The following PGM5 variants were observed in gnomAD, a reference collection of about 807,000 sequenced individuals.
The protein encoded by PGM5 is phosphoglucomutase 5.
Under a neutral mutation model 59.2 loss-of-function variants are expected in PGM5, and 23 were observed. The ratio of observed to expected loss-of-function variants is 0.39; its 90% CI spans 0.28 to 0.55. The LOEUF is 0.55. Ranked by LOEUF, PGM5 falls within the 20% of genes least tolerant of loss-of-function variation. The pLI is 0.66. For missense variants in PGM5, 574 were observed against 748.3 expected (o/e 0.77, Z 2.72); for synonymous variants, 214 against 286.0 (o/e 0.75, Z 2.54).
In PGM5 at chr9:68,528,842, A is replaced by G. The variant is rs1825031994; in HGVS notation, c.1615-725A>G. Among the ~76,000 whole-genome samples, 3 of 152,208 alleles carry G rather than the reference A, an allele frequency of 2.0e-5. No homozygotes were observed. The South Asian group carries it at 6.2e-4, about 31-fold the overall frequency. ...ATTAGCAATACCATATCCATGCACC[A>G]CTGAAAATCATTGTGAGTGTTGCAT... On this transcript the variant is annotated intron_variant, in intron 10 of 10. Transcript: ENST00000396396.
intron 9 of PGM5, among the ~76,000 whole-genome samples, chr9:68,487,802 C>A (rs1210760566): frequency 6.6e-6 from 1 of 152,158 alleles, no homozygotes; most frequent in Non-Finnish European, 1.5e-5. Context: ...CCCAAGGCAA[C>A]CTTGGTGCCA....
intron 7 of PGM5, among the ~76,000 whole-genome samples, chr9:68,467,742 T>G (rs77176054): frequency 6.6e-6 from 1 of 152,144 alleles, no homozygotes; most frequent in African/African-American, 2.4e-5. Context: ...CCTATAGAGC[T>G]TTAAAATTGC....
chr9:68,519,501 AT>A (rs1359924845), intron 10 of PGM5, among the ~76,000 whole-genome samples: 2 of 152,076 alleles, frequency 1.3e-5, no homozygotes, highest in African/African-American at 4.8e-5. Flanking sequence ...ATTAAAAAAA[AT>A]AGAAGGAAAT....
chr9:68,426,417 T>C (rs1363437160), intron 6 of PGM5, among the ~76,000 whole-genome samples: 5 of 152,208 alleles, frequency 3.3e-5, no homozygotes, highest in African/African-American at 7.2e-5. Context: ...TTTGTTCATA[T>C]GTATATATGG....
rs1822873719 is a variant in PGM5, at chr9:68,409,029, T to C, written c.1043+16556T>C. Among the ~76,000 whole-genome samples, 2 of 152,194 alleles carry C rather than the reference T, an allele frequency of 1.3e-5. 1 individual carries two copies. The highest frequency in any genetic ancestry group is 4.1e-4 in the South Asian group (2 of 4,826). ...TAGTGTGATGCCTCCAGCTTTGTTC[T>C]TTTGGCTTAGGATTGACTTGGCGAT... On this transcript the variant is annotated intron_variant, in intron 6 of 10. Transcript: ENST00000396396.
rs560732559 is a variant in PGM5, at chr9:68,388,620, ATATTTTGTG to A, written c.697+1037_697+1045del. Among the ~76,000 whole-genome samples, 274 of 152,156 alleles carry A rather than the reference ATATTTTGTG, an allele frequency of 1.8e-3. 1 individual carries two copies. Among genetic ancestry groups the A allele is most frequent in the African/African-American group, 6.3e-3 (260 of 41,538 alleles). On this transcript the variant is annotated intron_variant, in intron 4 of 10. Transcript: ENST00000396396. ...GTGAGAGAAAGCTCATGGTAGGTAA[ATATTTTGTG>A]TATTGTATATCTGAAAAGGCCTTTT... is the stretch of plus-strand genomic sequence containing the variant.
intron 9 of PGM5, among the ~76,000 whole-genome samples, chr9:68,489,329 A>G (rs1824348889): frequency 6.6e-6 from 1 of 152,162 alleles, no homozygotes; most frequent in South Asian, 2.1e-4. Context: ...ACCATGACCT[A>G]TATTTTGAAA....
At chr9:68,366,669 A>T (rs1174709017) in intron 1 of PGM5, among the ~76,000 whole-genome samples, 2 of 152,288 alleles carry the variant, frequency 1.3e-5, no homozygotes, top group Admixed American at 1.3e-4. Context: ...GAAGCTTTGG[A>T]TTTGAATCAT....
chr9:68,391,656 G>T lies in PGM5; in HGVS notation c.820G>T (p.Ala274Ser), dbSNP rs2132010685. Residue 274 changes from alanine to serine, a missense_variant, in exon 5 of 11, where the codon GCA (alanine) becomes TCA (serine). Transcript: ENST00000396396. Reference protein sequence around the residue: ...GQHPDPNLTYATTLLEAMKGG... With the variant: ...GQHPDPNLTYSTTLLEAMKGG... ...GCACCCTGACCCAAACCTGACATAT[G>T]CAACGACTCTTCTGGAAGCAATGAA... 1 of 1,613,304 alleles carries T rather than the reference G, an allele frequency of 6.2e-7. No homozygotes were observed. Among genetic ancestry groups the T allele is most frequent in the Admixed American group, 1.7e-5 (1 of 59,950 alleles).
intron 3 of PGM5, 102 bp from the exon 4 acceptor site, chr9:68,387,361 T>C: frequency 9.9e-7 from 1 of 1,014,174 alleles, no homozygotes; most frequent in African/African-American, 1.6e-5. Flanking sequence ...GATGGGCTTG[T>C]GACCAGAATT....
At chr9:68,442,416 C>A (rs1383300809) in intron 6 of PGM5, among the ~76,000 whole-genome samples, 1 of 152,194 alleles carries the variant, frequency 6.6e-6, no homozygotes, top group Non-Finnish European at 1.5e-5. Flanking sequence ...GGAGCCACCA[C>A]CATGCCCAGC....
At chr9:68,424,262 CACAG>C (rs1823196918) in intron 6 of PGM5, among the ~76,000 whole-genome samples, 1 of 152,176 alleles carries the variant, frequency 6.6e-6, no homozygotes. Flanking sequence ...CACAAAATAA[CACAG>C]ACAGTGTGGC....
intron 7 of PGM5, among the ~76,000 whole-genome samples, chr9:68,476,132 A>C (rs1824099247): frequency 6.6e-6 from 1 of 152,224 alleles, no homozygotes; most frequent in African/African-American, 2.4e-5. Flanking sequence ...AAGCTGCATG[A>C]TATTTTTAAA....
chr9:68,515,818 T>A (rs1269290536), intron 10 of PGM5, among the ~76,000 whole-genome samples: 1 of 152,254 alleles, frequency 6.6e-6, no homozygotes, highest in East Asian at 1.9e-4. Context: ...TTGTTGACTA[T>A]CTACCAAAGG....
In PGM5 at chr9:68,386,171, T is replaced by C. The variant is rs1307351902; in HGVS notation, c.572-1292T>C. On this transcript the variant is annotated intron_variant, in intron 3 of 10. Transcript: ENST00000396396. ...AATGAAATTGTCAAAAACATTATCC[T>C]ATAATGTAGAGTGAGTAAAACTTCC... 4.6e-5 allele frequency among the ~76,000 whole-genome samples: 7 copies of C among 152,038 alleles called. No individual in the cohort carries two copies. The East Asian group carries it at 7.7e-4, about 17-fold the overall frequency.
intron 6 of PGM5, among the ~76,000 whole-genome samples, chr9:68,447,703 G>C (rs1369758682): frequency 1.3e-5 from 2 of 151,878 alleles, no homozygotes; most frequent in Non-Finnish European, 2.9e-5. Context: ...AATCCAGCAC[G>C]CTTTTTATAA....
intron 10 of PGM5, among the ~76,000 whole-genome samples, chr9:68,527,153 A>T (rs1824992824): frequency 6.6e-6 from 1 of 152,216 alleles, no homozygotes; most frequent in African/African-American, 2.4e-5. Flanking sequence ...GTATTTGTTA[A>T]AACTTGCTTC....
At chr9:68,451,548 A>G (rs1158621270) in intron 6 of PGM5, among the ~76,000 whole-genome samples, 1 of 152,198 alleles carries the variant, frequency 6.6e-6, no homozygotes, top group Non-Finnish European at 1.5e-5. Context: ...ATGATATGGG[A>G]TGGGGCCTCA....
chr9:68,412,837 G>T (rs547103648), intron 6 of PGM5, among the ~76,000 whole-genome samples: 1 of 152,192 alleles, frequency 6.6e-6, no homozygotes, highest in Non-Finnish European at 1.5e-5. Flanking sequence ...AGAGATAATG[G>T]ACCTAATAAA....
Sources: allele counts gnomAD v4.1 joint callset (sites outside exome capture counted in the v4.1 genomes callset), GRCh38; gene constraint gnomAD v4.1.1; transcripts MANE v1.5; gene names NCBI Gene and HGNC (gene_info 2026-07-23, HGNC 2026-07-21).